TMEM132C: variants seen among roughly 807,000 people sequenced by gnomAD.
TMEM132C encodes the protein protein phosphatase 1, regulatory subunit 152.
TMEM132C carries 29 observed loss-of-function variants against 61.4 expected under a neutral mutation model. The observed-to-expected ratio is 0.47, with a 90% CI of 0.35 to 0.64. TMEM132C has a LOEUF of 0.64. Among genes scored for constraint, TMEM132C ranks in the 30% least tolerant of loss-of-function variants. The pLI is 0.00. For synonymous variants in TMEM132C, 656 were observed against 633.1 expected (o/e 1.04, Z -0.54); for missense variants, 1,408 against 1,476.9 (o/e 0.95, Z 0.76).
chr12:128,684,726 G>A (rs978438783), intron 5 of TMEM132C, among the ~76,000 whole-genome samples: 3 of 152,244 alleles, frequency 2.0e-5, no homozygotes, highest in Non-Finnish European at 4.4e-5. Context: ...TAAAAGGGAG[G>A]GGAAGAGCAT....
intron 4 of TMEM132C, among the ~76,000 whole-genome samples, chr12:128,659,451 G>T (rs928968068): frequency 2.0e-5 from 3 of 152,188 alleles, no homozygotes; most frequent in African/African-American, 7.2e-5. Context: ...TTCCCTATTA[G>T]TTGCCTTCCT....
Position 128,362,522 on chromosome 12 carries a change from A to G in TMEM132C, c.86-52210A>G, listed in dbSNP as rs537315154. On this transcript the variant is annotated intron_variant, in intron 1 of 8. Coordinates refer to ENST00000435159, the MANE Select transcript of TMEM132C (RefSeq NM_001136103.3). ...CTTTGGGGGACTAGAAGTATCTGCC[A>G]CTACAGGTTGAGTATACCTTATCCA... Among the ~76,000 whole-genome samples, 3 of 152,312 alleles carry G rather than the reference A, an allele frequency of 2.0e-5. No homozygotes were observed. The East Asian group carries it at 5.8e-4, about 29-fold the overall frequency.
In TMEM132C at chr12:128,661,574, A is replaced by C. The variant is rs1048434216; in HGVS notation, c.1306-7843A>C. On this transcript the variant is annotated intron_variant, in intron 4 of 8. Coordinates refer to ENST00000435159, the MANE Select transcript of TMEM132C (RefSeq NM_001136103.3). ...GAGAAGATGCTAAAAAAAAAAAAAA[A>C]CCCTGGATACATATGCACATGGAGG... Among the ~76,000 whole-genome samples the C allele has an allele frequency of 5.3e-5, 8 of 149,558 alleles. No homozygotes were observed. In the East Asian group the frequency reaches 7.8e-4, roughly 15 times the overall value.
intron 4 of TMEM132C, among the ~76,000 whole-genome samples, chr12:128,667,122 C>T (rs1954486302): frequency 1.3e-5 from 2 of 152,168 alleles, no homozygotes; most frequent in African/African-American, 4.8e-5. Context: ...GATATATATA[C>T]ATACACATAT....
At chr12:128,686,040 C>T (rs545836111) in intron 5 of TMEM132C, among the ~76,000 whole-genome samples, 24 of 130,882 alleles carry the variant, frequency 1.8e-4, no homozygotes, top group Admixed American at 4.0e-4. Flanking sequence ...TGTGTGTATT[C>T]GCGCGTGTGT....
At chr12:128,529,209 G>A (rs2136133994) in intron 2 of TMEM132C, among the ~76,000 whole-genome samples, 1 of 151,988 alleles carries the variant, frequency 6.6e-6, no homozygotes, top group East Asian at 1.9e-4. Context: ...ACATACAGGT[G>A]GACTCCATCA....
intron 4 of TMEM132C, among the ~76,000 whole-genome samples, chr12:128,665,477 GCA>G (rs1194648679): frequency 3.4e-5 from 4 of 118,112 alleles, no homozygotes; most frequent in Non-Finnish European, 3.6e-5. Flanking sequence ...AAACATAGGC[GCA>G]CACACACACA....
At chr12:128,582,414 CTT>C (rs36054458) in intron 3 of TMEM132C, among the ~76,000 whole-genome samples, 41,053 of 132,070 alleles carry the variant, frequency 0.31, 6,642 homozygotes, top group South Asian at 0.47. Flanking sequence ...ATAGATGCTG[CTT>C]TTTTTTTTTT....
intron 5 of TMEM132C, among the ~76,000 whole-genome samples, chr12:128,680,045 C>G (rs575423216): frequency 6.6e-6 from 1 of 152,120 alleles, no homozygotes; most frequent in African/African-American, 2.4e-5. Flanking sequence ...AAAAGAACAG[C>G]CAGGATGAAG....
intron 3 of TMEM132C, among the ~76,000 whole-genome samples, chr12:128,554,849 A>T (rs1593098410): frequency 6.6e-6 from 1 of 152,152 alleles, no homozygotes; most frequent in South Asian, 2.1e-4. Context: ...CCTAATTGGG[A>T]TCCTGGTGCC....
intron 1 of TMEM132C, among the ~76,000 whole-genome samples, chr12:128,303,626 G>A (rs577026878): frequency 6.6e-6 from 1 of 152,340 alleles, no homozygotes; most frequent in South Asian, 2.1e-4. Flanking sequence ...AAGTTTGCAC[G>A]TGGAACTGCT....
At chr12:128,683,402 G>GC (rs1448060886) in intron 5 of TMEM132C, among the ~76,000 whole-genome samples, 1 of 152,018 alleles carries the variant, frequency 6.6e-6, no homozygotes, top group Non-Finnish European at 1.5e-5. Flanking sequence ...ACCTTGTACT[G>GC]CCCACCTTCT....
intron 2 of TMEM132C, among the ~76,000 whole-genome samples, chr12:128,515,294 C>T (rs187533024): frequency 8.1e-4 from 124 of 152,296 alleles, no homozygotes; most frequent in African/African-American, 2.7e-3. Flanking sequence ...CCCGTGTGAC[C>T]TGCATTTACC....
chr12:128,652,420 C>T (rs897937638), intron 4 of TMEM132C, among the ~76,000 whole-genome samples: 1 of 152,236 alleles, frequency 6.6e-6, no homozygotes. Flanking sequence ...CAAAGAACTC[C>T]TGTGCTAATA....
intron 1 of TMEM132C, among the ~76,000 whole-genome samples, chr12:128,382,604 C>G (rs1874437626): frequency 1.3e-5 from 2 of 152,110 alleles, no homozygotes; most frequent in Admixed American, 6.5e-5. Context: ...AGAGAGGATC[C>G]TATTCCTATG....
chr12:128,525,473 G>A (rs1437065778), intron 2 of TMEM132C, among the ~76,000 whole-genome samples: 1 of 152,060 alleles, frequency 6.6e-6, no homozygotes, highest in Non-Finnish European at 1.5e-5. Flanking sequence ...CTGTTCTTTG[G>A]AATAATTAAA....
chr12:128,492,422 C>A (rs1258552136), intron 2 of TMEM132C, among the ~76,000 whole-genome samples: 1 of 152,194 alleles, frequency 6.6e-6, no homozygotes, highest in Non-Finnish European at 1.5e-5. Context: ...TGAGGAATCG[C>A]CACACTGTCT....
chr12:128,378,338 G>C (rs555507925), intron 1 of TMEM132C, among the ~76,000 whole-genome samples: 1 of 152,010 alleles, frequency 6.6e-6, no homozygotes, highest in Non-Finnish European at 1.5e-5. Flanking sequence ...GGATGGTCTC[G>C]ATCTCCTGAC....
chr12:128,615,333 C>T (rs987462633), intron 3 of TMEM132C, among the ~76,000 whole-genome samples: 32 of 152,148 alleles, frequency 2.1e-4, no homozygotes, highest in African/African-American at 7.5e-4. Flanking sequence ...AAGTACATTA[C>T]ATTTATTGTG....
Sources: gnomAD v4.1 joint callset for allele counts (sites outside exome capture counted in the v4.1 genomes callset) on GRCh38, gnomAD v4.1.1 for gene constraint, MANE v1.5 for transcripts, NCBI Gene and HGNC (gene_info 2026-07-23, HGNC 2026-07-21) for gene names.